RTN1: variants seen among roughly 807,000 people sequenced by gnomAD.
RTN1 encodes the protein reticulon 1.
A neutral mutation model predicts 65.5 loss-of-function variants in RTN1; 25 were observed. The observed-to-expected ratio is 0.38, with a 90% confidence interval of 0.28 to 0.53. RTN1 has a LOEUF of 0.53. RTN1 is among the 20% of genes least tolerant of loss of function. The pLI is 0.79. For synonymous variants in RTN1, 471 were observed against 447.6 expected, an observed-to-expected ratio of 1.05 and a Z score of -0.66; for missense variants, 983 against 1,025.4, an observed-to-expected ratio of 0.96 and a Z score of 0.57.
At chr14:59,828,898 C>T (rs1184949556) in intron 1 of RTN1, among the ~76,000 whole-genome samples, 3 of 152,178 alleles carry the variant, frequency 2.0e-5, no homozygotes, top group Admixed American at 1.3e-4. Flanking sequence ...AGGAATGTGG[C>T]CTGTAAATGC....
chr14:59,609,113 C>T (rs1047966751), intron 3 of RTN1, among the ~76,000 whole-genome samples: 11 of 151,704 alleles, frequency 7.3e-5, no homozygotes, highest in Non-Finnish European at 1.5e-4. Context: ...GGTGAAACCC[C>T]GTCTCTACTA....
At chr14:59,856,702 C>A (rs1201083851) in intron 1 of RTN1, among the ~76,000 whole-genome samples, 1 of 152,186 alleles carries the variant, frequency 6.6e-6, no homozygotes, top group Non-Finnish European at 1.5e-5. Flanking sequence ...TTCCCCATTG[C>A]TATTTGGCTG....
intron 1 of RTN1, among the ~76,000 whole-genome samples, chr14:59,751,466 G>A (rs1566714628): frequency 6.6e-6 from 1 of 152,110 alleles, no homozygotes; most frequent in Admixed American, 6.6e-5. Context: ...TTTCACTACA[G>A]ATATTTGGAT....
chr14:59,846,392 G>C lies in RTN1; in HGVS notation c.241+23998C>G, dbSNP rs1205744632. Among the ~76,000 whole-genome samples the C allele has an allele frequency of 6.6e-6, 1 of 152,058 alleles. No individual in the cohort carries two copies. The highest frequency in any genetic ancestry group is 1.5e-5 in the Non-Finnish European group (1 of 68,010). On this transcript the variant is annotated intron_variant, in intron 1 of 8. Coordinates refer to ENST00000267484, the MANE Select transcript of RTN1 (RefSeq NM_021136.3). The surrounding 1 kb of genome is among the most constrained non-coding windows in gnomAD (Gnocchi z 4.8). ...CCATATCTGTGCAGCCACAGCCCAT[G>C]GATCAGAGTTGATGTATGCACACGT...
At chr14:59,664,393 C>T (rs1447668708) in intron 3 of RTN1, among the ~76,000 whole-genome samples, 1 of 152,094 alleles carries the variant, frequency 6.6e-6, no homozygotes, top group Non-Finnish European at 1.5e-5. Context: ...GTGCAGCAAA[C>T]CACCATGGCA....
Position 59,835,124 on chromosome 14 carries a change from T to C in RTN1, c.241+35266A>G, listed in dbSNP as rs1046717532. Among the ~76,000 whole-genome samples, 9 of 152,132 alleles carry C rather than the reference T, an allele frequency of 5.9e-5. No homozygotes were observed. The South Asian group carries it at 1.5e-3, about 25-fold the overall frequency. On this transcript the variant is annotated intron_variant, in intron 1 of 8. Coordinates refer to ENST00000267484, the MANE Select transcript of RTN1 (RefSeq NM_021136.3). ...CAATGACTATCATCAGGTGAATGAG[T>C]AAACGCATTGTGATGTATCCATACA...
chr14:59,795,813 G>A (rs1215467870), intron 1 of RTN1, among the ~76,000 whole-genome samples: 4 of 152,090 alleles, frequency 2.6e-5, no homozygotes, highest in Non-Finnish European at 4.4e-5. Context: ...CACAGAAGAC[G>A]AATTTTAGAC....
intron 3 of RTN1, among the ~76,000 whole-genome samples, chr14:59,646,766 C>G (rs1279347739): frequency 2.0e-5 from 3 of 152,122 alleles, no homozygotes; most frequent in Non-Finnish European, 4.4e-5. Context: ...ACCACCAGAT[C>G]TGCTTTACAA....
intron 3 of RTN1, among the ~76,000 whole-genome samples, chr14:59,620,006 T>C (rs927048380): frequency 1.3e-5 from 2 of 151,780 alleles, no homozygotes; most frequent in Non-Finnish European, 2.9e-5. Flanking sequence ...TAGCAACAAG[T>C]AAACCTTTAG....
chr14:59,812,282 A>G (rs1268640510), intron 1 of RTN1, among the ~76,000 whole-genome samples: 2 of 152,196 alleles, frequency 1.3e-5, no homozygotes, highest in East Asian at 3.8e-4. Context: ...AAGACATAAC[A>G]TTCAAAAACT....
chr14:59,842,923 T>C (rs1429228386), intron 1 of RTN1, among the ~76,000 whole-genome samples: 3 of 152,196 alleles, frequency 2.0e-5, no homozygotes, highest in Non-Finnish European at 2.9e-5. Context: ...GAAAACTGTT[T>C]AGGAGTTTCT....
intron 1 of RTN1, among the ~76,000 whole-genome samples, chr14:59,785,711 A>T (rs933341562): frequency 2.0e-5 from 3 of 152,238 alleles, no homozygotes; most frequent in Non-Finnish European, 4.4e-5. Context: ...CAACTTGCTT[A>T]AAGTCATATG....
At chr14:59,799,143 G>A (rs183213632) in intron 1 of RTN1, among the ~76,000 whole-genome samples, 6 of 152,154 alleles carry the variant, frequency 3.9e-5, no homozygotes, top group Admixed American at 6.5e-5. Context: ...GTATTACCTC[G>A]TGATTTGAGA....
intron 1 of RTN1, among the ~76,000 whole-genome samples, chr14:59,831,062 T>C (rs1887116382): frequency 6.6e-6 from 1 of 152,174 alleles, no homozygotes; most frequent in Non-Finnish European, 1.5e-5. Flanking sequence ...ATTTAAATTA[T>C]TACTTTGCTA....
intron 1 of RTN1, among the ~76,000 whole-genome samples, chr14:59,768,811 C>T (rs988200234): frequency 6.6e-6 from 1 of 152,158 alleles, no homozygotes; most frequent in Admixed American, 6.5e-5. Context: ...CTGCTAATAG[C>T]AGAGTATATG....
intron 1 of RTN1, among the ~76,000 whole-genome samples, chr14:59,792,684 A>G (rs1886370464): frequency 6.6e-6 from 1 of 152,142 alleles, no homozygotes; most frequent in Non-Finnish European, 1.5e-5. Context: ...AGGTCTATGT[A>G]CTTTAACCCG....
At chr14:59,832,174 A>G (rs1311085617) in intron 1 of RTN1, among the ~76,000 whole-genome samples, 2 of 152,240 alleles carry the variant, frequency 1.3e-5, no homozygotes, top group African/African-American at 4.8e-5. Context: ...AAGGAAGTAC[A>G]CATTGTCTTC....
chr14:59,620,396 C>A (rs1187583511), intron 3 of RTN1, among the ~76,000 whole-genome samples: 1 of 152,070 alleles, frequency 6.6e-6, no homozygotes, highest in Non-Finnish European at 1.5e-5. Context: ...TCACATAAGG[C>A]TACTGGGTGT....
At chr14:59,792,359 T>TCACACA (rs34220909) in intron 1 of RTN1, among the ~76,000 whole-genome samples, 2,104 of 144,858 alleles carry the variant, frequency 0.015, 19 homozygotes, top group Middle Eastern at 0.021. Context: ...AGAAAAGACT[T>TCACACA]CACACACACA....
Sources: gnomAD v4.1 joint callset for allele counts (sites outside exome capture counted in the v4.1 genomes callset) on GRCh38, gnomAD v4.1.1 for gene constraint, Gnocchi (gnomAD v3.1) non-coding constraint, MANE v1.5 for transcripts, NCBI Gene and HGNC (gene_info 2026-07-23, HGNC 2026-07-21) for gene names.